The following PSORS1C1 variants were observed in gnomAD, a reference collection of about 807,000 sequenced individuals.
PSORS1C1 encodes the protein psoriasis susceptibility 1 candidate gene 1 protein.
A neutral mutation model predicts 9.4 loss-of-function variants in PSORS1C1; 7 were observed. That is an observed-to-expected ratio of 0.75 (90% CI 0.42 to 1.40). PSORS1C1 has a LOEUF of 1.40. Among genes scored for constraint, PSORS1C1 ranks in the 40% most tolerant of loss-of-function variants. PSORS1C1 has a pLI of 0.01. For synonymous variants in PSORS1C1, 63 were observed against 69.4 expected (o/e 0.91, Z 0.46); for missense variants, 146 against 178.1 (o/e 0.82, Z 1.02).
At chr6:31,120,831 A>C in intron 1 of PSORS1C1, among the ~76,000 whole-genome samples, 1 of 151,532 alleles carries the variant, frequency 6.6e-6, no homozygotes, top group Admixed American at 6.6e-5. Flanking sequence ...TCTGCCCTCC[A>C]CTCGCAGTCG....
chr6:31,125,594 A>G (rs1772646244), intron 1 of PSORS1C1, 82 bp from the exon 2 acceptor site: 2 of 152,190 alleles, frequency 1.3e-5, no homozygotes, highest in African/African-American at 4.8e-5. Context: ...GACTGGCTAC[A>G]CTTCTTGACT....
intron 2 of PSORS1C1, among the ~76,000 whole-genome samples, chr6:31,126,518 C>G (rs1772686776): frequency 6.9e-6 from 1 of 144,968 alleles, no homozygotes; most frequent in Admixed American, 6.8e-5. Context: ...TTCCTTCTTC[C>G]CTGCTTGGCT....
intron 3 of PSORS1C1, among the ~76,000 whole-genome samples, chr6:31,130,288 T>C (rs1343987276): frequency 6.6e-6 from 1 of 151,548 alleles, no homozygotes; most frequent in East Asian, 1.9e-4. Flanking sequence ...GAGACAGCTC[T>C]GTCATCCAAG....
chr6:31,129,620 T>C lies in PSORS1C1; in HGVS notation c.-13T>C. ...GCAGTCCTCCATCCAGTCTTGACTT[T>C]GGCACTTGTGATATGACTTGCACAG... On this transcript the variant is annotated 5_prime_UTR_variant, in exon 3 of 6. Coordinates refer to ENST00000259881, the MANE Select transcript of PSORS1C1 (RefSeq NM_014068.3). The C allele has an allele frequency of 1.3e-6, 1 of 779,998 alleles. No homozygotes were observed. Among genetic ancestry groups the C allele is most frequent in the Non-Finnish European group, 2.4e-6 (1 of 418,118 alleles). 48.3% of individuals were successfully genotyped at this position (779,998 alleles called of 1,614,324 possible).
intron 3 of PSORS1C1, among the ~76,000 whole-genome samples, chr6:31,135,228 G>GTATT (rs897700585): frequency 9.9e-5 from 15 of 152,010 alleles, no homozygotes; most frequent in East Asian, 1.9e-4. Context: ...CACTATTTAT[G>GTATT]TATTTATTTA....
chr6:31,121,551 C>T (rs1277605339), intron 1 of PSORS1C1, among the ~76,000 whole-genome samples: 4 of 152,200 alleles, frequency 2.6e-5, no homozygotes, highest in Non-Finnish European at 4.4e-5. Context: ...CCTGCCCCGC[C>T]CCAGCCAATT....
At chr6:31,131,984 G>A (rs12525170) in intron 3 of PSORS1C1, among the ~76,000 whole-genome samples, 9,913 of 152,230 alleles carry the variant, frequency 0.065, 405 homozygotes, top group South Asian at 0.18. Context: ...GGTGGCTCAC[G>A]CCTATAATCC....
At chr6:31,127,967 C>T (rs1016420034) in intron 2 of PSORS1C1, among the ~76,000 whole-genome samples, 3 of 152,232 alleles carry the variant, frequency 2.0e-5, no homozygotes, top group Admixed American at 2.0e-4. Flanking sequence ...GAAGGCAGCT[C>T]CCTGAGGGCA....
chr6:31,137,566 A>T, intron 3 of PSORS1C1: 1 of 260,152 alleles, frequency 3.8e-6, no homozygotes, highest in Non-Finnish European at 7.2e-6. Flanking sequence ...TTTCCGTTTC[A>T]TGGAAGCAGC....
rs1773339022 is a variant in PSORS1C1, at chr6:31,139,500, G to A, written c.168-141G>A. 3 of 743,390 alleles carry A rather than the reference G, an allele frequency of 4.0e-6. No individual in the cohort carries two copies. The allele number at this position is 743,390 out of a possible 1,614,324, so 46.0% of individuals were successfully genotyped here. A position where few individuals can be genotyped will look rare whatever the true frequency, so the allele number is the denominator to read the frequency against. On this transcript the variant is annotated intron_variant, in intron 5 of 5. Coordinates refer to ENST00000259881, the MANE Select transcript of PSORS1C1 (RefSeq NM_014068.3). This position sits in a 1 kb window ranked among gnomAD's most constrained non-coding sequence, Gnocchi z 5.2. Reference sequence around the variant, plus strand: ...AGGTGCTTTTCAAACCTGGGATGCAGCTGGGACAGTGTCAGCTACTACCCC... The same window carrying A: ...AGGTGCTTTTCAAACCTGGGATGCAACTGGGACAGTGTCAGCTACTACCCC...
At position 31,116,202 on chromosome 6, in the gene PSORS1C1, G is replaced by A. The variant is rs199905483; in HGVS notation, c.-229+1311G>A. Reference sequence around the variant, plus strand: ...AGGGATCAGGATGGGGAGAGCCATCGGGGCCCCCAGTCAGTGTCAAGGAGG... The same window carrying A: ...AGGGATCAGGATGGGGAGAGCCATCAGGGCCCCCAGTCAGTGTCAAGGAGG... On this transcript the variant is annotated intron_variant, in intron 1 of 5. Transcript: ENST00000259881. 363 of 1,613,706 alleles carry A rather than the reference G, an allele frequency of 2.2e-4. 1 individual carries two copies. Among genetic ancestry groups the A allele is most frequent in the South Asian group, 1.7e-3 (157 of 91,086 alleles).
chr6:31,119,107 A>G (rs3132548), intron 1 of PSORS1C1, among the ~76,000 whole-genome samples: 118,885 of 151,880 alleles, frequency 0.78, 47,157 homozygotes, highest in African/African-American at 0.9. Flanking sequence ...GCCTCCTGAA[A>G]TGTTGGGATT....
chr6:31,122,028 C>T (rs1009296738), intron 1 of PSORS1C1, among the ~76,000 whole-genome samples: 9 of 152,112 alleles, frequency 5.9e-5, no homozygotes, highest in Admixed American at 4.6e-4. Flanking sequence ...GACAGGGTCC[C>T]CTGAAGGGGG....
intron 1 of PSORS1C1, chr6:31,116,701 C>A: frequency 6.2e-7 from 1 of 1,612,768 alleles, no homozygotes; most frequent in Non-Finnish European, 8.5e-7. Context: ...AACCAGATAA[C>A]TGTCAGAGGA....
intron 2 of PSORS1C1, among the ~76,000 whole-genome samples, chr6:31,127,838 C>T (rs1453477784): frequency 7.1e-6 from 1 of 140,094 alleles, no homozygotes; most frequent in African/African-American, 2.7e-5. Flanking sequence ...TACACACACA[C>T]GTTTGGGACC....
chr6:31,124,257 G>C (rs1011365775), intron 1 of PSORS1C1, among the ~76,000 whole-genome samples: 4 of 152,226 alleles, frequency 2.6e-5, no homozygotes, highest in Admixed American at 6.5e-5. Flanking sequence ...AGGAATCCGA[G>C]GCCAGCTGGG....
intron 3 of PSORS1C1, among the ~76,000 whole-genome samples, chr6:31,130,710 A>C (rs80254928): frequency 0.021 from 3,131 of 151,796 alleles, 101 homozygotes; most frequent in African/African-American, 0.07. Context: ...AACCTGGCCA[A>C]ATGTTAAACA....
intron 3 of PSORS1C1, among the ~76,000 whole-genome samples, chr6:31,132,010 C>T (rs189780072): frequency 9.9e-5 from 15 of 152,274 alleles, no homozygotes; most frequent in Non-Finnish European, 1.8e-4. Flanking sequence ...CTTTGAGAGG[C>T]GGAGGCAGGA....
intron 3 of PSORS1C1, among the ~76,000 whole-genome samples, chr6:31,136,833 G>A (rs1211068506): frequency 6.6e-6 from 1 of 152,220 alleles, no homozygotes. Flanking sequence ...TTAGGACTGT[G>A]AAGAGGGCAT....
Sources: gnomAD v4.1 joint callset for allele counts (sites outside exome capture counted in the v4.1 genomes callset) on GRCh38, gnomAD v4.1.1 for gene constraint, Gnocchi (gnomAD v3.1) non-coding constraint, MANE v1.5 for transcripts, NCBI Gene and HGNC (gene_info 2026-07-23, HGNC 2026-07-21) for gene names.